The following MEI4 variants were observed in gnomAD, a reference collection of about 807,000 sequenced individuals.
MEI4 encodes the protein meiotic double-stranded break formation protein 4.
In MEI4, 27 loss-of-function variants were observed where a neutral mutation model predicts 31.4. The observed-to-expected ratio is 0.86, with a 90% confidence interval of 0.63 to 1.19. The LOEUF (loss-of-function observed/expected upper bound fraction) is 1.19, where lower values mean the gene tolerates loss of function less well. Ranked by LOEUF, MEI4 falls within the 50% of genes most tolerant of loss-of-function variation. The pLI is 0.00. For synonymous variants in MEI4, 122 were observed against 145.4 expected (o/e 0.84, Z 1.16); for missense variants, 329 against 398.9 (o/e 0.82, Z 1.49).
intron 3 of MEI4, among the ~76,000 whole-genome samples, chr6:77,793,470 G>T (rs554536655): frequency 6.6e-6 from 1 of 152,298 alleles, no homozygotes; most frequent in East Asian, 1.9e-4. Context: ...ACTGGAAAAG[G>T]TAAATATGTA....
upstream of MEI4, among the ~76,000 whole-genome samples, chr6:77,651,534 A>G (rs1013385976): frequency 3.3e-5 from 5 of 152,234 alleles, no homozygotes; most frequent in Non-Finnish European, 7.3e-5. Context: ...ACACACATTG[A>G]TCACTTTTGG....
At chr6:77,773,281 C>T (rs941860447) in intron 3 of MEI4, among the ~76,000 whole-genome samples, 19 of 151,532 alleles carry the variant, frequency 1.3e-4, no homozygotes, top group African/African-American at 4.1e-4. Context: ...CACATTACCA[C>T]TATACTGGAG....
At chr6:77,818,331 T>TA (rs1262925756) in intron 3 of MEI4, among the ~76,000 whole-genome samples, 2 of 152,084 alleles carry the variant, frequency 1.3e-5, no homozygotes, top group Non-Finnish European at 2.9e-5. Flanking sequence ...TTTTATAAGG[T>TA]AAAAAAAGTG....
chr6:77,860,072 C>T (rs754977444), intron 4 of MEI4, among the ~76,000 whole-genome samples: 21 of 152,106 alleles, frequency 1.4e-4, no homozygotes, highest in African/African-American at 1.9e-4. Context: ...CATTTCACAT[C>T]GCTTATTTGC....
intron 2 of MEI4, among the ~76,000 whole-genome samples, chr6:77,749,395 T>C (rs1179607567): frequency 6.6e-6 from 1 of 152,086 alleles, no homozygotes; most frequent in Non-Finnish European, 1.5e-5. Flanking sequence ...CATTGCTTAC[T>C]AGAACAGCAA....
At chr6:77,695,781 T>C (rs1289722058) in intron 2 of MEI4, among the ~76,000 whole-genome samples, 1 of 152,192 alleles carries the variant, frequency 6.6e-6, no homozygotes, top group African/African-American at 2.4e-5. Context: ...TTGAAAGTAG[T>C]TTTTTCCAAT....
intron 2 of MEI4, among the ~76,000 whole-genome samples, chr6:77,749,670 A>T (rs536183021): frequency 6.6e-6 from 1 of 152,330 alleles, no homozygotes; most frequent in South Asian, 2.1e-4. Context: ...GACTGGGAGA[A>T]TGGAACCAAG....
chr6:77,830,965 A>G lies in MEI4; in HGVS notation c.900+1903A>G, dbSNP rs188493396. ...GAAACAATTAGCCAAGTGAAGAGAC[A>G]ACCCACAAAATGGAAGAAAATATTT... On this transcript the variant is annotated intron_variant, in intron 4 of 4. Coordinates refer to ENST00000684080, the MANE Select transcript of MEI4 (RefSeq NM_001322247.2). Among the ~76,000 whole-genome samples, 107 of 152,162 alleles carry G rather than the reference A, an allele frequency of 7.0e-4. 1 individual carries two copies. The highest frequency in any genetic ancestry group is 2.5e-3 in the African/African-American group (105 of 41,568).
intron 1 of MEI4, among the ~76,000 whole-genome samples, chr6:77,655,482 T>C (rs183988690): frequency 1.1e-4 from 17 of 152,324 alleles, no homozygotes; most frequent in Non-Finnish European, 2.1e-4. Flanking sequence ...ATAATCTTAA[T>C]CCTTTTTATA....
upstream of MEI4, among the ~76,000 whole-genome samples, chr6:77,652,636 G>C (rs770406590): frequency 6.6e-6 from 1 of 152,176 alleles, no homozygotes; most frequent in African/African-American, 2.4e-5. Context: ...TAGGAAGGAA[G>C]ATATTGGCTA....
chr6:77,868,685 T>A (rs1339737956), intron 4 of MEI4, among the ~76,000 whole-genome samples: 1 of 151,286 alleles, frequency 6.6e-6, no homozygotes, highest in Non-Finnish European at 1.5e-5. Context: ...TAAAGGAAGG[T>A]AAGAAGCCAT....
intron 4 of MEI4, among the ~76,000 whole-genome samples, chr6:77,894,256 T>A (rs906946917): frequency 7.6e-4 from 115 of 152,280 alleles, no homozygotes; most frequent in African/African-American, 2.7e-3. Flanking sequence ...ATGATATTTC[T>A]TTGTTCTAAA....
chr6:77,807,355 T>G (rs1411006020), intron 3 of MEI4, among the ~76,000 whole-genome samples: 1 of 152,180 alleles, frequency 6.6e-6, no homozygotes, highest in Admixed American at 6.5e-5. Flanking sequence ...GTCATTTTAG[T>G]CAAAATCATA....
In MEI4 at chr6:77,727,895, C is replaced by G. The variant is rs529931772; in HGVS notation, c.233-33235C>G. 3.3e-5 allele frequency among the ~76,000 whole-genome samples: 5 copies of G among 152,204 alleles called. No homozygotes were observed. In the East Asian group the frequency reaches 9.7e-4, roughly 29 times the overall value. ...CGCAGGAGTTTCCTGATTGAAATCT[C>G]TGTCTCTTTGATCGTAACAGATGTA... On this transcript the variant is annotated intron_variant, in intron 2 of 4. Transcript: ENST00000684080.
intron 4 of MEI4, among the ~76,000 whole-genome samples, chr6:77,916,712 T>A (rs1283649953): frequency 6.6e-6 from 1 of 152,014 alleles, no homozygotes; most frequent in Non-Finnish European, 1.5e-5. Context: ...TCCATTCAAG[T>A]TTTATTATGA....
intron 3 of MEI4, among the ~76,000 whole-genome samples, chr6:77,804,819 T>C (rs551867247): frequency 1.3e-5 from 2 of 152,334 alleles, no homozygotes; most frequent in South Asian, 4.1e-4. Flanking sequence ...CATCTATACA[T>C]GATAGCTATC....
chr6:77,925,757 TA>T lies in MEI4; in HGVS notation c.*2413del, dbSNP rs1766827114. The stretch of plus-strand genomic sequence containing the variant: ...CTCTTATACTATTTAATATAAGCTA[TA>T]ATAAATATATGATAATATATTTTAT... On this transcript the variant is annotated 3_prime_UTR_variant, in exon 5 of 5. Transcript: ENST00000684080. 2 of 148,648 alleles carry T rather than the reference TA, an allele frequency of 1.3e-5. No individual in the cohort carries two copies. The highest frequency in any genetic ancestry group is 4.9e-5 in the African/African-American group (2 of 40,832). 9.2% of individuals were successfully genotyped at this position (148,648 alleles called of 1,614,324 possible).
At chr6:77,919,496 G>A (rs1766649578) in intron 4 of MEI4, among the ~76,000 whole-genome samples, 1 of 151,958 alleles carries the variant, frequency 6.6e-6, no homozygotes, top group Non-Finnish European at 1.5e-5. Context: ...TGCATTCAAA[G>A]CAGTGTGTAG....
At chr6:77,744,176 A>G (rs1024659670) in intron 2 of MEI4, among the ~76,000 whole-genome samples, 22 of 152,334 alleles carry the variant, frequency 1.4e-4, no homozygotes, top group Middle Eastern at 3.4e-3. Context: ...ACTCCGAGCT[A>G]CAGGAGGAAA....
Sources: allele counts gnomAD v4.1 joint callset (sites outside exome capture counted in the v4.1 genomes callset), GRCh38; gene constraint gnomAD v4.1.1; transcripts MANE v1.5; gene names NCBI Gene and HGNC (gene_info 2026-07-23, HGNC 2026-07-21).